The following AGBL4 variants were observed in gnomAD, a reference collection of about 807,000 sequenced individuals.
AGBL4 encodes the protein AGBL carboxypeptidase 4.
Under a neutral mutation model 66.4 loss-of-function variants are expected in AGBL4, and 58 were observed. The ratio of observed to expected loss-of-function variants is 0.87; its 90% CI spans 0.71 to 1.09. The LOEUF (loss-of-function observed/expected upper bound fraction) is 1.09. AGBL4 is among the 50% of genes least tolerant of loss of function. The pLI is 0.00. For synonymous variants in AGBL4, 234 were observed against 222.9 expected (o/e 1.05, Z -0.44); for missense variants, 579 against 631.0 (o/e 0.92, Z 0.88).
intron 1 of AGBL4, among the ~76,000 whole-genome samples, chr1:49,881,382 A>G (rs145295071): frequency 1.6e-4 from 25 of 152,254 alleles, no homozygotes; most frequent in African/African-American, 5.8e-4. Flanking sequence ...CATGATTTAT[A>G]GTCCTCTGGG....
In AGBL4 at chr1:49,113,096, G is replaced by A. The variant is rs191413190; in HGVS notation, c.378-67296C>T. ...CTCCTGAGTAGCTGGGACTACAGGC[G>A]CCTGCCACCACGCCTGGCTAATTTT... On this transcript the variant is annotated intron_variant, in intron 4 of 13. Coordinates refer to ENST00000371839, the MANE Select transcript of AGBL4 (RefSeq NM_032785.4). Among the ~76,000 whole-genome samples the A allele has an allele frequency of 2.3e-3, 342 of 146,940 alleles. 2 individuals carry two copies. Among genetic ancestry groups the A allele is most frequent in the African/African-American group, 6.7e-3 (265 of 39,666 alleles).
intron 1 of AGBL4, among the ~76,000 whole-genome samples, chr1:49,981,674 G>A (rs1015012152): frequency 3.9e-5 from 6 of 152,040 alleles, no homozygotes; most frequent in Non-Finnish European, 5.9e-5. Context: ...ACATCTCTGC[G>A]CCTTCCTTTC....
intron 5 of AGBL4, among the ~76,000 whole-genome samples, chr1:48,999,247 T>C (rs1046487756): frequency 6.6e-6 from 1 of 152,100 alleles, no homozygotes; most frequent in Admixed American, 6.6e-5. Flanking sequence ...ATTAAGAACA[T>C]CAGAAAAGTG....
chr1:49,645,803 C>G (rs921858929), intron 3 of AGBL4, among the ~76,000 whole-genome samples: 1 of 148,828 alleles, frequency 6.7e-6, no homozygotes, highest in Non-Finnish European at 1.5e-5. Flanking sequence ...CAAATCAAAT[C>G]CAATAATATA....
rs551619321 is a variant in AGBL4, at chr1:49,279,260, A to G, written c.283-33396T>C. Among the ~76,000 whole-genome samples the G allele has an allele frequency of 2.0e-5, 3 of 152,300 alleles. No homozygotes were observed. The East Asian group carries it at 5.8e-4, about 29-fold the overall frequency. ...ATTGAAAAGACAATGCCAACAGAGC[A>G]TAATATAAGCGTGGGGACCTGTCTT... On this transcript the variant is annotated intron_variant, in intron 3 of 13. Transcript: ENST00000371839.
At chr1:48,985,947 G>T (rs1660150010) in intron 5 of AGBL4, among the ~76,000 whole-genome samples, 1 of 152,046 alleles carries the variant, frequency 6.6e-6, no homozygotes, top group Non-Finnish European at 1.5e-5. Context: ...TGTTCCAAAA[G>T]TTAAGAAGAG....
chr1:49,823,224 T>C (rs948018189), intron 2 of AGBL4, among the ~76,000 whole-genome samples: 2 of 152,228 alleles, frequency 1.3e-5, no homozygotes, highest in Non-Finnish European at 2.9e-5. Flanking sequence ...CCAATGCAGC[T>C]ATGGTTACTT....
chr1:49,568,411 T>G (rs1462601733), intron 3 of AGBL4, among the ~76,000 whole-genome samples: 2 of 150,626 alleles, frequency 1.3e-5, no homozygotes, highest in Admixed American at 6.6e-5. Flanking sequence ...ATAAAATACC[T>G]GGGAATACAA....
intron 1 of AGBL4, among the ~76,000 whole-genome samples, chr1:49,894,499 G>A (rs1011315140): frequency 2.0e-5 from 3 of 152,038 alleles, no homozygotes; most frequent in South Asian, 2.1e-4. Flanking sequence ...AAGGAAACTC[G>A]AAGAAGTTCA....
At chr1:49,143,718 A>G (rs1258787603) in intron 4 of AGBL4, among the ~76,000 whole-genome samples, 1 of 152,090 alleles carries the variant, frequency 6.6e-6, no homozygotes, top group Non-Finnish European at 1.5e-5. Flanking sequence ...CTCAGGAAGG[A>G]GTCAGTCCAA....
At chr1:49,920,557 GTTAGAA>G (rs1305340921) in intron 1 of AGBL4, among the ~76,000 whole-genome samples, 1 of 152,106 alleles carries the variant, frequency 6.6e-6, no homozygotes, top group Non-Finnish European at 1.5e-5. Context: ...TCTCACACCA[GTTAGAA>G]TGGCGATCAT....
intron 3 of AGBL4, among the ~76,000 whole-genome samples, chr1:49,666,349 G>T (rs190736230): frequency 3.3e-5 from 5 of 152,210 alleles, no homozygotes; most frequent in Admixed American, 1.3e-4. Context: ...TGGATCATTT[G>T]AGGTCAGGTG....
At chr1:48,677,626 T>C (rs1646387500) in intron 6 of AGBL4, among the ~76,000 whole-genome samples, 1 of 152,120 alleles carries the variant, frequency 6.6e-6, no homozygotes, top group African/African-American at 2.4e-5. Flanking sequence ...CCAGTCCACA[T>C]GATGAGCAGC....
At chr1:49,860,816 G>GA (rs909945857) in intron 1 of AGBL4, among the ~76,000 whole-genome samples, 10 of 150,900 alleles carry the variant, frequency 6.6e-5, no homozygotes, top group African/African-American at 1.5e-4. Context: ...TATCTACACA[G>GA]AAAAAAACAC....
intron 2 of AGBL4, among the ~76,000 whole-genome samples, chr1:49,810,531 T>G (rs934008493): frequency 2.0e-5 from 3 of 152,002 alleles, no homozygotes; most frequent in African/African-American, 7.2e-5. Flanking sequence ...GGTGAAGACT[T>G]GATGTTAATA....
intron 4 of AGBL4, among the ~76,000 whole-genome samples, chr1:49,097,656 G>C (rs777596456): frequency 2.6e-5 from 4 of 152,176 alleles, no homozygotes; most frequent in African/African-American, 9.7e-5. Flanking sequence ...ATCTCAGCTC[G>C]CTTCACCTCT....
At chr1:49,880,486 A>G (rs1647199294) in intron 1 of AGBL4, among the ~76,000 whole-genome samples, 1 of 152,128 alleles carries the variant, frequency 6.6e-6, no homozygotes, top group Non-Finnish European at 1.5e-5. Flanking sequence ...GGTCGGGGTC[A>G]GGGACCCACT....
intron 8 of AGBL4, among the ~76,000 whole-genome samples, chr1:48,650,326 C>T (rs1044503257): frequency 6.6e-6 from 1 of 152,198 alleles, no homozygotes; most frequent in Non-Finnish European, 1.5e-5. Context: ...AGAATGAAAG[C>T]TAAAGAGCAT....
At chr1:49,297,049 CA>C (rs977562875) in intron 3 of AGBL4, among the ~76,000 whole-genome samples, 2 of 152,116 alleles carry the variant, frequency 1.3e-5, no homozygotes, top group African/African-American at 4.8e-5. Flanking sequence ...AAAAGCATTC[CA>C]AAAAATCCAA....
Sources: gnomAD v4.1 joint callset for allele counts (sites outside exome capture counted in the v4.1 genomes callset) on GRCh38, gnomAD v4.1.1 for gene constraint, MANE v1.5 for transcripts, NCBI Gene and HGNC (gene_info 2026-07-23, HGNC 2026-07-21) for gene names.